Variants in PKP4 observed in about 807,000 individuals in gnomAD.
PKP4 encodes plakophilin-4.
Under a neutral mutation model 145.1 loss-of-function variants are expected in PKP4, and 90 were observed. That is an observed-to-expected ratio of 0.62 (90% CI 0.52 to 0.74). PKP4 has a LOEUF of 0.74. PKP4 is among the 30% of genes least tolerant of loss of function. The pLI, the probability that PKP4 is intolerant of heterozygous loss-of-function variation, is 0.00. For missense variants in PKP4, 1,340 were observed against 1,482.7 expected (o/e 0.90, Z 1.58); for synonymous variants, 563 against 577.2 (o/e 0.98, Z 0.35).
intron 3 of PKP4, among the ~76,000 whole-genome samples, chr2:158,579,991 C>T (rs370559513): frequency 6.6e-6 from 1 of 151,842 alleles, no homozygotes; most frequent in Non-Finnish European, 1.5e-5. Context: ...GATAGTGGAA[C>T]CTCTAGAAAG....
At chr2:158,499,750 T>A (rs766548487) in intron 1 of PKP4, among the ~76,000 whole-genome samples, 3 of 152,024 alleles carry the variant, frequency 2.0e-5, no homozygotes, top group Non-Finnish European at 4.4e-5. Flanking sequence ...CAATTATTCC[T>A]GAAAAAAAAA....
intron 3 of PKP4, among the ~76,000 whole-genome samples, chr2:158,598,550 G>A (rs1405975932): frequency 1.3e-5 from 2 of 152,068 alleles, no homozygotes; most frequent in Non-Finnish European, 2.9e-5. Flanking sequence ...GGCGGATCAC[G>A]AGGTCACGAG....
intron 1 of PKP4, among the ~76,000 whole-genome samples, chr2:158,497,345 C>T (rs1117199): frequency 0.38 from 58,217 of 152,044 alleles, 11,994 homozygotes; most frequent in East Asian, 0.68. Context: ...GCCTTTTCCT[C>T]TTGGTTCTTT....
chr2:158,490,071 T>TA (rs1694725024), intron 1 of PKP4, among the ~76,000 whole-genome samples: 1 of 152,218 alleles, frequency 6.6e-6, no homozygotes, highest in South Asian at 2.1e-4. Flanking sequence ...ACATTAATGA[T>TA]ACTATATAAA....
intron 1 of PKP4, among the ~76,000 whole-genome samples, chr2:158,462,060 G>A (rs546666655): frequency 1.4e-4 from 21 of 152,188 alleles, no homozygotes; most frequent in Non-Finnish European, 2.8e-4. Flanking sequence ...TTGGGGCCTG[G>A]CCCGAAACTT....
chr2:158,485,369 T>A (rs1272629930), intron 1 of PKP4, among the ~76,000 whole-genome samples: 4 of 152,208 alleles, frequency 2.6e-5, no homozygotes, highest in Non-Finnish European at 4.4e-5. Flanking sequence ...CAGAAGTACG[T>A]AGGAAATGGC....
rs115914566 is a variant in PKP4 at position 158,478,348 on chromosome 2, C to T, written c.-6+21130C>T. Among the ~76,000 whole-genome samples the T allele has an allele frequency of 6.4e-3, 972 of 151,774 alleles. 6 individuals carry two copies. Among genetic ancestry groups the T allele is most frequent in the Non-Finnish European group, 0.011 (745 of 67,954 alleles). ...AAATGGGGTTTTCACAAGCAGATGA[C>T]GTGCTGTGGTTTTGATTTTCATAGT... On this transcript the variant is annotated intron_variant, in intron 1 of 21. Transcript: ENST00000389759.
At chr2:158,490,739 T>A (rs1025460985) in intron 1 of PKP4, among the ~76,000 whole-genome samples, 4 of 152,206 alleles carry the variant, frequency 2.6e-5, no homozygotes, top group African/African-American at 9.6e-5. Context: ...AAGACTGATC[T>A]GACCACCTCC....
intron 1 of PKP4, chr2:158,457,748 G>A: frequency 6.5e-6 from 1 of 154,010 alleles, no homozygotes. Flanking sequence ...TGCTGCCCGC[G>A]CGGTCTTGCG....
chr2:158,585,763 T>C (rs1231626262), intron 3 of PKP4, among the ~76,000 whole-genome samples: 1 of 152,134 alleles, frequency 6.6e-6, no homozygotes, highest in Non-Finnish European at 1.5e-5. Flanking sequence ...AAAATAACTA[T>C]TTTATTGGGA....
chr2:158,575,241 A>G (rs2047746287), intron 2 of PKP4, among the ~76,000 whole-genome samples: 1 of 152,232 alleles, frequency 6.6e-6, no homozygotes, highest in East Asian at 1.9e-4. Context: ...GCACAGCAAG[A>G]AGGCAATAGA....
intron 2 of PKP4, among the ~76,000 whole-genome samples, chr2:158,571,877 C>T (rs541287239): frequency 3.5e-4 from 53 of 152,120 alleles, no homozygotes; most frequent in African/African-American, 1.2e-3. Flanking sequence ...ATCAAAGGAG[C>T]GGGAGTGCAG....
chr2:158,678,448 C>T, intron 20 of PKP4, 133 bp from the exon 21 acceptor site: 2 of 690,458 alleles, frequency 2.9e-6, no homozygotes, highest in Middle Eastern at 2.4e-4. Context: ...GCTACCTCTC[C>T]CAGCCCGCAT....
At chr2:158,598,531 G>T (rs2049962319) in intron 3 of PKP4, among the ~76,000 whole-genome samples, 2 of 152,166 alleles carry the variant, frequency 1.3e-5, no homozygotes, top group Non-Finnish European at 2.9e-5. Context: ...ACTTTGGGAG[G>T]CTGAGGCGGG....
At chr2:158,558,757 T>C (rs1280116898) in intron 2 of PKP4, among the ~76,000 whole-genome samples, 3 of 152,130 alleles carry the variant, frequency 2.0e-5, no homozygotes, top group Admixed American at 6.5e-5. Context: ...ATGGTCAGGC[T>C]GAATATGGAA....
intron 4 of PKP4, among the ~76,000 whole-genome samples, chr2:158,611,799 A>G (rs897549378): frequency 1.3e-5 from 2 of 152,174 alleles, no homozygotes; most frequent in African/African-American, 4.8e-5. Flanking sequence ...ACTTTATCAT[A>G]TATTTCTTCC....
chr2:158,642,516 G>A lies in PKP4; in HGVS notation c.1726G>A (p.Val576Ile), dbSNP rs758944311. Residue 576 changes from valine (V) to isoleucine (I), a missense_variant, in exon 11 of 22, where the codon GTT becomes ATT. Val to Ile is a conservative substitution (Grantham distance 29). Coordinates refer to ENST00000389759, the MANE Select transcript of PKP4 (RefSeq NM_003628.6). Reference sequence around the variant, plus strand: ...TAGGTTAGGGGGAATCAAGCATCTGGTTGACCTTCTGGACCACAGAGTTTT... The same window carrying A: ...TAGGTTAGGGGGAATCAAGCATCTGATTGACCTTCTGGACCACAGAGTTTT... ...VCRLGGIKHLVDLLDHRVLEV... is the reference protein window; with the variant it reads ...VCRLGGIKHLIDLLDHRVLEV... 6.2e-6 allele frequency: 10 copies of A among 1,612,168 alleles called. No homozygotes were observed. The highest frequency in any genetic ancestry group is 7.6e-6 in the Non-Finnish European group (9 of 1,178,468).
chr2:158,640,524 A>AT, intron 9 of PKP4, 103 bp from the exon 10 acceptor site: 1 of 1,283,430 alleles, frequency 7.8e-7, no homozygotes, highest in Non-Finnish European at 1.1e-6. Context: ...GTAACTTCCC[A>AT]TTTTTGTCTC....
intron 2 of PKP4, among the ~76,000 whole-genome samples, chr2:158,567,742 C>T (rs144156958): frequency 6.6e-6 from 1 of 152,168 alleles, no homozygotes; most frequent in African/African-American, 2.4e-5. Context: ...GCAGTGGAAG[C>T]AGGACCCCAC....
Sources: allele counts gnomAD v4.1 joint callset (sites outside exome capture counted in the v4.1 genomes callset), GRCh38; gene constraint gnomAD v4.1.1; transcripts MANE v1.5; gene names NCBI Gene and HGNC (gene_info 2026-07-23, HGNC 2026-07-21).